Variants in SCAPER observed in about 807,000 individuals in gnomAD.
SCAPER encodes the protein S-phase cyclin A associated protein in the ER, also known as S phase cyclin A-associated protein in the endoplasmic reticulum.
In SCAPER, 98 loss-of-function variants were observed where a neutral mutation model predicts 182.2. The observed-to-expected ratio is 0.54, with a 90% CI of 0.46 to 0.64. The LOEUF (loss-of-function observed/expected upper bound fraction) is 0.64. Among genes scored for constraint, SCAPER ranks in the 30% least tolerant of loss-of-function variants. SCAPER has a pLI of 0.00. For synonymous variants in SCAPER, 605 were observed against 564.6 expected (o/e 1.07, Z -1.01); for missense variants, 1,432 against 1,690.0 (o/e 0.85, Z 2.68).
chr15:76,461,562 C>T (rs1300751478), intron 25 of SCAPER, among the ~76,000 whole-genome samples: 3 of 151,732 alleles, frequency 2.0e-5, no homozygotes, highest in Non-Finnish European at 2.9e-5. Flanking sequence ...ATTGTATTTT[C>T]TAGTTTTTAA....
Position 76,883,847 on chromosome 15 carries a change from T to G in SCAPER, c.-30A>C, listed in dbSNP as rs757404059. The G allele has an allele frequency of 7.3e-6, 11 of 1,512,264 alleles. No individual in the cohort carries two copies. The highest frequency in any genetic ancestry group is 9.9e-6 in the Non-Finnish European group (11 of 1,115,082). 93.7% of individuals were successfully genotyped at this position (1,512,264 alleles called of 1,614,324 possible). On this transcript the variant is annotated 5_prime_UTR_variant, in exon 2 of 32. It removes an upstream start codon present in the reference 5' UTR. Transcript: ENST00000563290. Reference sequence around the variant, plus strand: ...TAAATTCTCTTCTATGCCAAGATCATTTATCACATAAACCCATGGAGTATG... The same window carrying G: ...TAAATTCTCTTCTATGCCAAGATCAGTTATCACATAAACCCATGGAGTATG...
intron 25 of SCAPER, among the ~76,000 whole-genome samples, chr15:76,457,405 C>T (rs2142912434): frequency 6.6e-6 from 1 of 152,288 alleles, no homozygotes; most frequent in East Asian, 1.9e-4. Flanking sequence ...TTTAGGTCTA[C>T]TGTTTTATTA....
intron 8 of SCAPER, among the ~76,000 whole-genome samples, chr15:76,786,085 T>C (rs2064578363): frequency 6.6e-6 from 1 of 151,974 alleles, no homozygotes; most frequent in Admixed American, 6.6e-5. Context: ...TCCCAGCACT[T>C]TGGGAGACCT....
At chr15:76,718,767 T>C (rs1459563896) in intron 17 of SCAPER, among the ~76,000 whole-genome samples, 2 of 152,136 alleles carry the variant, frequency 1.3e-5, no homozygotes, top group Non-Finnish European at 2.9e-5. Context: ...TAGACATTTC[T>C]CCAAAGAAGT....
At chr15:76,541,115 G>A (rs532159350) in intron 23 of SCAPER, among the ~76,000 whole-genome samples, 4 of 150,814 alleles carry the variant, frequency 2.7e-5, no homozygotes, top group Admixed American at 1.3e-4. Flanking sequence ...GCAAGACTCC[G>A]TCTCAAAAAA....
chr15:76,473,290 A>C (rs1267810841), intron 24 of SCAPER, among the ~76,000 whole-genome samples: 5 of 152,204 alleles, frequency 3.3e-5, no homozygotes, highest in Non-Finnish European at 7.3e-5. Context: ...TACACCGTTA[A>C]CGATTATCTG....
chr15:76,890,051 C>T (rs902542124), intron 1 of SCAPER, among the ~76,000 whole-genome samples: 1 of 152,154 alleles, frequency 6.6e-6, no homozygotes, highest in African/African-American at 2.4e-5. Context: ...ACTGAACAAC[C>T]TGCTCCTGAA....
chr15:76,659,277 C>CTT (rs370588073), intron 21 of SCAPER, among the ~76,000 whole-genome samples: 1 of 149,462 alleles, frequency 6.7e-6, no homozygotes, highest in African/African-American at 2.4e-5. Flanking sequence ...TACAGACACA[C>CTT]TTTTTTTTTT....
At chr15:76,568,224 T>TATATATATATATATAC (rs1246463146) in intron 23 of SCAPER, among the ~76,000 whole-genome samples, 1 of 142,852 alleles carries the variant, frequency 7.0e-6, no homozygotes, top group African/African-American at 2.6e-5. Context: ...TATATATATA[T>TATATATATATATATAC]ACAAATGGGA....
rs549962851 is a variant in SCAPER at position 76,715,392 on chromosome 15, C to T, written c.2166-9408G>A. On this transcript the variant is annotated intron_variant, in intron 17 of 31. Coordinates refer to ENST00000563290, the MANE Select transcript of SCAPER (RefSeq NM_020843.4). ...GCCTTCCAGGGATTCAGAAGCTCGG[C>T]TGAGCTGTGAAACCCTGTGTTCTAG... Among the ~76,000 whole-genome samples the T allele has an allele frequency of 2.0e-4, 31 of 152,194 alleles. No individual in the cohort carries two copies. The South Asian group carries it at 6.4e-3, about 32-fold the overall frequency.
At chr15:76,842,835 A>G (rs888427723) in intron 4 of SCAPER, among the ~76,000 whole-genome samples, 2 of 152,156 alleles carry the variant, frequency 1.3e-5, no homozygotes, top group African/African-American at 4.8e-5. Flanking sequence ...ACAGCTCTAC[A>G]ATTACACTGC....
chr15:76,430,667 A>G (rs549543935), intron 26 of SCAPER, among the ~76,000 whole-genome samples: 2 of 152,366 alleles, frequency 1.3e-5, no homozygotes, highest in South Asian at 4.1e-4. Flanking sequence ...CATTGCATCT[A>G]AGAAGTAACT....
chr15:76,368,600 G>A (rs1037060858), intron 29 of SCAPER, among the ~76,000 whole-genome samples: 1 of 152,220 alleles, frequency 6.6e-6, no homozygotes, highest in Non-Finnish European at 1.5e-5. Flanking sequence ...ACAGGGCGTG[G>A]TGCAGAGCAG....
intron 17 of SCAPER, among the ~76,000 whole-genome samples, chr15:76,722,152 G>T (rs2060286144): frequency 6.6e-6 from 1 of 152,050 alleles, no homozygotes; most frequent in Non-Finnish European, 1.5e-5. Flanking sequence ...GTTGAATTTT[G>T]TCAAAGGCCT....
At chr15:76,890,862 C>CA (rs916040694) in intron 1 of SCAPER, among the ~76,000 whole-genome samples, 9 of 152,012 alleles carry the variant, frequency 5.9e-5, no homozygotes, top group East Asian at 5.8e-4. Context: ...AGAGACACAA[C>CA]AAAAAAAGAG....
intron 26 of SCAPER, among the ~76,000 whole-genome samples, chr15:76,428,692 A>G (rs548541292): frequency 5.9e-5 from 9 of 151,676 alleles, no homozygotes; most frequent in Non-Finnish European, 1.3e-4. Flanking sequence ...CAAGGCTACA[A>G]TTAAATAGGA....
intron 25 of SCAPER, among the ~76,000 whole-genome samples, chr15:76,452,250 A>G (rs2048416742): frequency 6.6e-6 from 1 of 152,216 alleles, no homozygotes; most frequent in African/African-American, 2.4e-5. Context: ...AAAGAACAGA[A>G]CTATTCCCTT....
At chr15:76,904,981 G>C (rs2074984906) in intron 1 of SCAPER, among the ~76,000 whole-genome samples, 1 of 152,076 alleles carries the variant, frequency 6.6e-6, no homozygotes, top group South Asian at 2.1e-4. Flanking sequence ...TCACCCCTCA[G>C]ACCGCGTAGT....
chr15:76,351,413 T>C (rs1205989190), intron 30 of SCAPER, 125 bp from the exon 31 acceptor site: 1 of 712,384 alleles, frequency 1.4e-6, no homozygotes, highest in Non-Finnish European at 2.2e-6. Context: ...GGCCCAAATA[T>C]AAACGCTGAA....
Sources: allele counts gnomAD v4.1 joint callset (sites outside exome capture counted in the v4.1 genomes callset), GRCh38; gene constraint gnomAD v4.1.1; transcripts MANE v1.5; gene names NCBI Gene and HGNC (gene_info 2026-07-23, HGNC 2026-07-21).